MYH10: variants seen among roughly 807,000 people sequenced by gnomAD.
The protein encoded by MYH10 is myosin-10.
In MYH10, 55 loss-of-function variants were observed where a neutral mutation model predicts 257.8. The ratio of observed to expected loss-of-function variants is 0.21; its 90% CI spans 0.17 to 0.27. The LOEUF is 0.27. Among genes scored for constraint, MYH10 ranks in the 10% least tolerant of loss-of-function variants. The pLI, the probability that MYH10 is intolerant of heterozygous loss-of-function variation, is 1.00. For missense variants in MYH10, 1,631 were observed against 2,500.6 expected (o/e 0.65, Z 7.42); for synonymous variants, 854 against 921.7 (o/e 0.93, Z 1.33).
At chr17:8,625,046 C>T (rs932525734) in intron 1 of MYH10, among the ~76,000 whole-genome samples, 6 of 151,940 alleles carry the variant, frequency 3.9e-5, no homozygotes, top group East Asian at 1.9e-4. Flanking sequence ...GTCAGAAGTT[C>T]GAGACCAGCC....
intron 13 of MYH10, among the ~76,000 whole-genome samples, chr17:8,544,114 G>C (rs963529272): frequency 2.6e-5 from 4 of 152,154 alleles, no homozygotes; most frequent in Admixed American, 2.0e-4. Context: ...GTATTCCACT[G>C]TATGGAGCTA....
chr17:8,539,016 C>T (rs927712437), intron 14 of MYH10, among the ~76,000 whole-genome samples: 12 of 151,998 alleles, frequency 7.9e-5, no homozygotes, highest in African/African-American at 2.4e-4. Context: ...ATCATGAGAG[C>T]GGGTCTGTCA....
chr17:8,528,660 T>A (rs1462609604), intron 17 of MYH10, among the ~76,000 whole-genome samples: 1 of 152,178 alleles, frequency 6.6e-6, no homozygotes, highest in Non-Finnish European at 1.5e-5. Flanking sequence ...GTGCTTACCA[T>A]ATGTCAGCAC....
intron 36 of MYH10, among the ~76,000 whole-genome samples, chr17:8,485,320 GA>G (rs549247594): frequency 6.6e-6 from 1 of 151,788 alleles, no homozygotes; most frequent in Non-Finnish European, 1.5e-5. Context: ...AAACGTCACT[GA>G]AAAAAATAAA....
At chr17:8,530,707 A>G in intron 16 of MYH10, 22 bp from the exon 17 acceptor site, 1 of 1,527,830 alleles carries the variant, frequency 6.5e-7, no homozygotes, top group Non-Finnish European at 8.9e-7. Context: ...AAACAGCAAA[A>G]ACAGGACAGA....
chr17:8,511,921 A>G (rs760070246), intron 24 of MYH10, among the ~76,000 whole-genome samples: 42 of 152,298 alleles, frequency 2.8e-4, no homozygotes, highest in South Asian at 1.0e-3. Context: ...TAAAAAGCAC[A>G]TTTGTCTGTT....
intron 37 of MYH10, among the ~76,000 whole-genome samples, chr17:8,482,684 G>A (rs1390095845): frequency 5.9e-5 from 9 of 152,224 alleles, no homozygotes; most frequent in African/African-American, 2.2e-4. Flanking sequence ...TAGGGGGAAG[G>A]GCAGGGCCAG....
At chr17:8,546,038 T>G (rs1008726336) in intron 12 of MYH10, among the ~76,000 whole-genome samples, 6 of 152,146 alleles carry the variant, frequency 3.9e-5, no homozygotes, top group Non-Finnish European at 8.8e-5. Flanking sequence ...CATTTACTTT[T>G]TTTAAAAAAT....
chr17:8,606,107 GC>G (rs1263149120), intron 2 of MYH10, among the ~76,000 whole-genome samples: 2 of 152,056 alleles, frequency 1.3e-5, no homozygotes, highest in African/African-American at 4.8e-5. Context: ...ATAAACATAA[GC>G]CAAATAAACA....
intron 26 of MYH10, among the ~76,000 whole-genome samples, chr17:8,507,202 A>G (rs2081100514): frequency 6.6e-6 from 1 of 152,250 alleles, no homozygotes; most frequent in Non-Finnish European, 1.5e-5. Flanking sequence ...ATACTAGTAC[A>G]AATGGTTTAT....
Position 8,545,814 on chromosome 17 carries a change from C to A in MYH10, c.1279-214G>T, listed in dbSNP as rs1191722837. 6.6e-6 allele frequency among the ~76,000 whole-genome samples: 1 copy of A among 152,004 alleles called. No individual in the cohort carries two copies. On this transcript the variant is annotated intron_variant, in intron 12 of 42. Transcript: ENST00000360416. This position sits in a 1 kb window ranked among gnomAD's most constrained non-coding sequence, Gnocchi z 4.7. The stretch of plus-strand genomic sequence containing the variant: ...CGAATTTGGGGGATGGGTAAAGACG[C>A]CTAATAAAAATAAGCTCCTCCCCAT...
chr17:8,486,942 A>G (rs1020234829), intron 36 of MYH10, among the ~76,000 whole-genome samples: 5 of 152,216 alleles, frequency 3.3e-5, no homozygotes, highest in African/African-American at 1.2e-4. Flanking sequence ...TTCATCATTA[A>G]CGGACCAGTT....
intron 38 of MYH10, 131 bp downstream of exon 38, chr17:8,481,191 C>T: frequency 1.2e-6 from 1 of 835,536 alleles, no homozygotes; most frequent in South Asian, 1.6e-5. Flanking sequence ...GGTACCATGG[C>T]TGAGGCAGCC....
intron 4 of MYH10, among the ~76,000 whole-genome samples, chr17:8,583,644 G>A (rs2083791370): frequency 1.3e-5 from 2 of 152,172 alleles, no homozygotes; most frequent in Non-Finnish European, 2.9e-5. Context: ...TGCCTTCGCT[G>A]TTTAATCAAT....
intron 7 of MYH10, among the ~76,000 whole-genome samples, chr17:8,558,387 C>G (rs1241023600): frequency 6.6e-6 from 1 of 152,126 alleles, no homozygotes; most frequent in African/African-American, 2.4e-5. Context: ...TTCACAGAAA[C>G]AGTGCCAGCC....
intron 36 of MYH10, 142 bp downstream of exon 36, chr17:8,487,291 G>A (rs1914990646): frequency 1.1e-6 from 1 of 913,022 alleles, no homozygotes; most frequent in Non-Finnish European, 1.7e-6. Flanking sequence ...GGACACACAA[G>A]CACTCTCTTT....
At position 8,508,649 on chromosome 17, in the gene MYH10, G is replaced by A. The variant is rs780518542; in HGVS notation, c.3119C>T (p.Ala1040Val). Residue 1040 changes from alanine (A) to valine (V), a missense_variant, in exon 26 of 43, where the codon GCT (alanine) becomes GTT (valine). Physicochemically the swap from Ala to Val is moderately conservative, Grantham distance 64. Around this residue, in one of 11 missense-constraint regions of MYH10, gnomAD observed 169 missense variants for 249.8 expected, o/e 0.68. Transcript: ENST00000360416. ...KEKKLMEDRI[A>V]ECSSQLAEEE... is the part of the protein sequence containing the mutation. Reference sequence around the variant, plus strand: ...TTCAGCCAGCTGAGAGGAACACTCAGCAATGCGATCTTCCATGAGTTTCTT... The same window carrying A: ...TTCAGCCAGCTGAGAGGAACACTCAACAATGCGATCTTCCATGAGTTTCTT... The A allele has an allele frequency of 5.0e-6, 8 of 1,614,012 alleles. No homozygotes were observed. Among genetic ancestry groups the A allele is most frequent in the Non-Finnish European group, 6.8e-6 (8 of 1,179,994 alleles).
intron 2 of MYH10, among the ~76,000 whole-genome samples, chr17:8,618,654 C>G (rs1307474689): frequency 6.6e-6 from 1 of 152,170 alleles, no homozygotes; most frequent in Non-Finnish European, 1.5e-5. Flanking sequence ...TTGAACAAGT[C>G]TTTTTACCCA....
chr17:8,526,865 C>G (rs1532348), intron 17 of MYH10, among the ~76,000 whole-genome samples: 79,412 of 152,004 alleles, frequency 0.52, 21,317 homozygotes, highest in Middle Eastern at 0.62. Context: ...ATTCATTCTA[C>G]TTAATATAGC....
Sources: allele counts gnomAD v4.1 joint callset (sites outside exome capture counted in the v4.1 genomes callset), GRCh38; gene constraint gnomAD v4.1.1; regional missense constraint gnomAD v4.1.1; non-coding constraint Gnocchi (gnomAD v3.1); transcripts MANE v1.5; gene names NCBI Gene and HGNC (gene_info 2026-07-23, HGNC 2026-07-21).